The following NFIB variants were observed in gnomAD, a reference collection of about 807,000 sequenced individuals.
NFIB encodes the protein nuclear factor 1 B-type.
Under a neutral mutation model 61.5 loss-of-function variants are expected in NFIB, and 11 were observed. The ratio of observed to expected loss-of-function variants is 0.18; its 90% CI spans 0.11 to 0.30. The LOEUF (loss-of-function observed/expected upper bound fraction) is 0.30, where lower values mean the gene tolerates loss of function less well. NFIB is among the 10% of genes least tolerant of loss of function. The probability of loss-of-function intolerance (pLI) is 1.00; values close to 1 mark genes in which losing one functional copy is unlikely to be tolerated. For synonymous variants in NFIB, 260 were observed against 216.5 expected (o/e 1.20, Z -1.76); for missense variants, 471 against 608.9 (o/e 0.77, Z 2.38).
intron 2 of NFIB, among the ~76,000 whole-genome samples, chr9:14,301,381 C>T (rs564027360): frequency 2.0e-4 from 31 of 152,242 alleles, no homozygotes; most frequent in South Asian, 4.1e-4. Context: ...ATCTGTAAAT[C>T]CAAATACATA....
chr9:14,227,488 T>C (rs1351723349), intron 2 of NFIB, among the ~76,000 whole-genome samples: 1 of 152,216 alleles, frequency 6.6e-6, no homozygotes, highest in African/African-American at 2.4e-5. Context: ...ACTTGAAATA[T>C]ATCATACTAT....
the NFIB span, among the ~76,000 whole-genome samples, chr9:14,467,718 C>T: frequency 6.6e-6 from 1 of 152,070 alleles, no homozygotes; most frequent in Admixed American, 6.5e-5. Context: ...TACCATAGGC[C>T]AAGCTCTGTT....
the NFIB span, among the ~76,000 whole-genome samples, chr9:14,415,004 G>C: frequency 6.6e-6 from 1 of 152,202 alleles, no homozygotes; most frequent in Non-Finnish European, 1.5e-5. Flanking sequence ...TTATCTCACA[G>C]TTTCTGTGGG....
At position 14,170,042 on chromosome 9, in the gene NFIB, A is replaced by C. The variant is rs535716442; in HGVS notation, c.616+9685T>G. ...CTACTTAATATTTTATTCTGTTTGC[A>C]ATATATTACTATAGAATTGTACTCT... On this transcript the variant is annotated intron_variant, in intron 3 of 10. Transcript: ENST00000380953. Among the ~76,000 whole-genome samples, 54 of 152,310 alleles carry C rather than the reference A, an allele frequency of 3.5e-4. No homozygotes were observed. The South Asian group carries it at 8.5e-3, about 24-fold the overall frequency.
At chr9:14,204,952 C>T in intron 2 of NFIB, 3 of 334,688 alleles carry the variant, frequency 9.0e-6, no homozygotes, top group Non-Finnish European at 1.7e-5. Flanking sequence ...TCCGTCATCA[C>T]TGGGGAGGCA....
chr9:14,183,396 G>C (rs1007433257), intron 2 of NFIB, among the ~76,000 whole-genome samples: 4 of 149,622 alleles, frequency 2.7e-5, no homozygotes, highest in Admixed American at 6.6e-5. Flanking sequence ...CTGGTGTCTG[G>C]GAAAAAAAAT....
At chr9:14,153,735 C>T (rs1046604156) in intron 4 of NFIB, among the ~76,000 whole-genome samples, 1 of 152,036 alleles carries the variant, frequency 6.6e-6, no homozygotes, top group African/African-American at 2.4e-5. Flanking sequence ...TACTGTAAAC[C>T]CTCAAGAAGT....
chr9:14,430,106 C>A, the NFIB span, among the ~76,000 whole-genome samples: 1 of 152,164 alleles, frequency 6.6e-6, no homozygotes, highest in African/African-American at 2.4e-5. Flanking sequence ...TAACTCTGAC[C>A]CACTATACTG....
intron 2 of NFIB, among the ~76,000 whole-genome samples, chr9:14,187,025 GTA>G (rs33914247): frequency 0.073 from 1,062 of 14,564 alleles, 12 homozygotes; most frequent in Admixed American, 0.23. Flanking sequence ...GTGTGTGTGT[GTA>G]TGTGTGTGTG....
intron 1 of NFIB, among the ~76,000 whole-genome samples, chr9:14,330,964 G>T (rs1285111759): frequency 6.6e-6 from 1 of 151,984 alleles, no homozygotes; most frequent in African/African-American, 2.4e-5. Context: ...GTTTCCCCGA[G>T]GTCTAGATAT....
At chr9:14,331,770 T>G (rs1011814892) in intron 1 of NFIB, among the ~76,000 whole-genome samples, 1 of 152,222 alleles carries the variant, frequency 6.6e-6, no homozygotes, top group African/African-American at 2.4e-5. Context: ...TCCCTTACCT[T>G]CGAAAATCAT....
intron 3 of NFIB, among the ~76,000 whole-genome samples, chr9:14,176,836 T>A (rs895678971): frequency 2.6e-5 from 4 of 152,084 alleles, no homozygotes; most frequent in African/African-American, 7.2e-5. Flanking sequence ...GGCATATGCA[T>A]CTGCACTTAT....
intron 1 of NFIB, among the ~76,000 whole-genome samples, chr9:14,345,475 A>G (rs10961481): frequency 6.6e-6 from 1 of 152,280 alleles, no homozygotes; most frequent in East Asian, 1.9e-4. Flanking sequence ...AAAAATAAAT[A>G]AATGCAATCA....
At chr9:14,207,767 C>A (rs2131694004) in intron 2 of NFIB, among the ~76,000 whole-genome samples, 1 of 152,318 alleles carries the variant, frequency 6.6e-6, no homozygotes, top group East Asian at 1.9e-4. Flanking sequence ...ACGGTCTTGG[C>A]TGTACTTAAC....
chr9:14,352,666 G>A (rs1368753418), intron 1 of NFIB, among the ~76,000 whole-genome samples: 3 of 152,196 alleles, frequency 2.0e-5, no homozygotes, highest in Non-Finnish European at 4.4e-5. Flanking sequence ...ACTAGGTCTG[G>A]TCCTGAGGCA....
intron 2 of NFIB, among the ~76,000 whole-genome samples, chr9:14,244,640 T>A (rs969935917): frequency 6.6e-6 from 1 of 152,218 alleles, no homozygotes; most frequent in African/African-American, 2.4e-5. Context: ...CCAATACTTA[T>A]TAGCCGTTGG....
chr9:14,365,177 A>C (rs1311693083), intron 1 of NFIB, among the ~76,000 whole-genome samples: 1 of 152,244 alleles, frequency 6.6e-6, no homozygotes, highest in Non-Finnish European at 1.5e-5. Context: ...TTTTGCTCTG[A>C]AACAGAATTC....
chr9:14,292,139 G>A (rs10961464), intron 2 of NFIB, among the ~76,000 whole-genome samples: 48,347 of 151,858 alleles, frequency 0.32, 8,155 homozygotes, highest in East Asian at 0.51. Context: ...ATGTTTTCAC[G>A]AAATAATAAC....
chr9:14,460,827 A>G, the NFIB span, among the ~76,000 whole-genome samples: 1 of 152,118 alleles, frequency 6.6e-6, no homozygotes, highest in East Asian at 1.9e-4. Context: ...TCCTTAGTGT[A>G]ACATACAAGG....
Sources: allele counts gnomAD v4.1 joint callset (sites outside exome capture counted in the v4.1 genomes callset), GRCh38; gene constraint gnomAD v4.1.1; transcripts MANE v1.5; gene names NCBI Gene and HGNC (gene_info 2026-07-23, HGNC 2026-07-21).